The following PDZD2 variants were observed in gnomAD, a reference collection of about 807,000 sequenced individuals.
PDZD2 encodes PDZ domain-containing protein 2.
Under a neutral mutation model 220.7 loss-of-function variants are expected in PDZD2, and 90 were observed. The ratio of observed to expected loss-of-function variants is 0.41; its 90% confidence interval spans 0.34 to 0.49. The LOEUF is 0.49. Among genes scored for constraint, PDZD2 ranks in the 20% least tolerant of loss-of-function variants. PDZD2 has a pLI of 0.28. For missense variants in PDZD2, 3,174 were observed against 3,608.5 expected, an observed-to-expected ratio of 0.88 and a Z score of 3.08; for synonymous variants, 1,375 against 1,450.5, an observed-to-expected ratio of 0.95 and a Z score of 1.18.
chr5:31,811,890 T>C (rs1755134327), intron 2 of PDZD2, among the ~76,000 whole-genome samples: 1 of 152,008 alleles, frequency 6.6e-6, no homozygotes, highest in South Asian at 2.1e-4. Context: ...CTTGGGAGGC[T>C]GAGGCAGGAA....
Position 32,080,376 on chromosome 5 carries a change from G to T in PDZD2, c.3682+2770G>T, listed in dbSNP as rs999641069. On this transcript the variant is annotated intron_variant, in intron 19 of 24. Coordinates refer to ENST00000438447, the MANE Select transcript of PDZD2 (RefSeq NM_178140.4). ...AAAAAAAAAAAAAAAAAAAAGTGGG[G>T]GGTGAGGGGTTTCTATTTGAGGGAG... 7.8e-4 allele frequency among the ~76,000 whole-genome samples: 117 copies of T among 150,754 alleles called. 2 individuals carry two copies. Among genetic ancestry groups the T allele is most frequent in the African/African-American group, 2.8e-3 (115 of 40,516 alleles).
chr5:32,078,805 TG>T (rs1741604966), intron 19 of PDZD2, among the ~76,000 whole-genome samples: 1 of 123,714 alleles, frequency 8.1e-6, no homozygotes. Flanking sequence ...ACCCAATCTC[TG>T]GGAAAAAAAA....
intron 19 of PDZD2, among the ~76,000 whole-genome samples, chr5:32,086,301 T>C (rs1198767227): frequency 2.0e-5 from 3 of 152,158 alleles, no homozygotes; most frequent in Non-Finnish European, 4.4e-5. Context: ...GAGAGGTCCA[T>C]GAGGGCCCTG....
chr5:31,974,604 C>T (rs1211141991), intron 2 of PDZD2, among the ~76,000 whole-genome samples: 1 of 152,168 alleles, frequency 6.6e-6, no homozygotes, highest in Non-Finnish European at 1.5e-5. Flanking sequence ...AAGACAGACT[C>T]CTGGCTCAAA....
chr5:31,758,740 T>C (rs1040757385), intron 1 of PDZD2, among the ~76,000 whole-genome samples: 1 of 152,164 alleles, frequency 6.6e-6, no homozygotes, highest in Non-Finnish European at 1.5e-5. Flanking sequence ...GCCCCTTCCA[T>C]CTTCATTCTC....
intron 6 of PDZD2, among the ~76,000 whole-genome samples, chr5:32,011,434 G>A (rs2112087406): frequency 6.6e-6 from 1 of 152,238 alleles, no homozygotes; most frequent in South Asian, 2.1e-4. Flanking sequence ...GAGAGGTCAA[G>A]CCTTCAGTGA....
intron 23 of PDZD2, 43 bp from the exon 24 acceptor site, chr5:32,101,062 A>C (rs2279232): frequency 6.2e-7 from 1 of 1,612,638 alleles, no homozygotes; most frequent in Non-Finnish European, 8.5e-7. Flanking sequence ...TGGCATGATG[A>C]ACAACCCTGT....
intron 1 of PDZD2, among the ~76,000 whole-genome samples, chr5:31,790,909 A>C (rs1753677806): frequency 6.6e-6 from 1 of 151,204 alleles, no homozygotes; most frequent in Non-Finnish European, 1.5e-5. Context: ...CGTGTTAGCC[A>C]AGATGGTCTT....
At chr5:32,058,518 A>T (rs1006808176) in intron 12 of PDZD2, among the ~76,000 whole-genome samples, 25 of 151,760 alleles carry the variant, frequency 1.6e-4, no homozygotes, top group African/African-American at 4.6e-4. Context: ...AAAATAAAAA[A>T]AAAAAATTAG....
intron 3 of PDZD2, among the ~76,000 whole-genome samples, chr5:31,991,963 G>A (rs1751252078): frequency 6.6e-6 from 1 of 152,202 alleles, no homozygotes; most frequent in African/African-American, 2.4e-5. Flanking sequence ...AACCCAGGAG[G>A]CAGAGGTTGC....
chr5:32,028,658 T>C (rs2112178729), intron 6 of PDZD2, among the ~76,000 whole-genome samples: 1 of 124,714 alleles, frequency 8.0e-6, no homozygotes, highest in South Asian at 3.1e-4. Flanking sequence ...ATTTTGCTCC[T>C]TCTATTTTTT....
At chr5:31,919,858 A>T (rs1022408120) in intron 2 of PDZD2, among the ~76,000 whole-genome samples, 2 of 148,474 alleles carry the variant, frequency 1.3e-5, no homozygotes, top group Non-Finnish European at 3.0e-5. Context: ...CTAAAAAACA[A>T]TTTTTTTTTT....
intron 2 of PDZD2, among the ~76,000 whole-genome samples, chr5:31,832,989 G>A (rs1391876523): frequency 6.6e-6 from 1 of 152,120 alleles, no homozygotes; most frequent in Non-Finnish European, 1.5e-5. Context: ...CAAGTCCCAT[G>A]AGCAGGCCTG....
At chr5:31,978,528 G>C (rs973167359) in intron 2 of PDZD2, among the ~76,000 whole-genome samples, 1 of 151,950 alleles carries the variant, frequency 6.6e-6, no homozygotes, top group East Asian at 1.9e-4. Context: ...GACCATCCTG[G>C]CTAACATGGT....
rs1475651780 is a variant in PDZD2 at position 32,059,319 on chromosome 5, G to A, written c.2281G>A (p.Ala761Thr). The A allele has an allele frequency of 6.2e-7, 1 of 1,612,988 alleles. No individual in the cohort carries two copies. The highest frequency in any genetic ancestry group is 8.5e-7 in the Non-Finnish European group (1 of 1,178,940). Residue 761 changes from alanine (A) to threonine (T), a missense_variant, in exon 13 of 25, where the codon GCT becomes ACT. Ala to Thr is a moderately conservative substitution (Grantham distance 58). This residue lies in a region of PDZD2 where 1,861 missense variants were observed against 2,001.0 expected (regional missense o/e 0.93). Transcript: ENST00000438447. ...SPPGIYIHSL[A>T]PGSVAKMESN... ...TCCTGGCATCTACATTCACAGCCTT[G>A]CTCCAGGATCAGTGGCCAAGATGGA...
At chr5:31,775,752 G>A (rs1334665212) in intron 1 of PDZD2, among the ~76,000 whole-genome samples, 5 of 150,600 alleles carry the variant, frequency 3.3e-5, no homozygotes, top group East Asian at 4.0e-4. Flanking sequence ...GCCTTCCAAC[G>A]CTGGTGGACT....
intron 2 of PDZD2, among the ~76,000 whole-genome samples, chr5:31,926,855 G>GAT (rs10590672): frequency 2.0e-5 from 3 of 151,948 alleles, no homozygotes; most frequent in Admixed American, 1.3e-4. Context: ...AACAAAGTGT[G>GAT]ATATATATAT....
Position 31,745,567 on chromosome 5 carries a change from C to T in PDZD2, c.-360-53322C>T, listed in dbSNP as rs527484928. The stretch of plus-strand genomic sequence containing the variant: ...CAAATCACCTTCGCTCATGCTTTCA[C>T]GCTCCCTCTCACCTTTCAATACCAA... On this transcript the variant is annotated intron_variant, in intron 1 of 24. Transcript: ENST00000438447. Among the ~76,000 whole-genome samples the T allele has an allele frequency of 5.3e-5, 8 of 152,304 alleles. No homozygotes were observed. In the East Asian group the frequency reaches 9.6e-4, roughly 18 times the overall value.
At chr5:31,856,303 T>C (rs1758438313) in intron 2 of PDZD2, among the ~76,000 whole-genome samples, 1 of 152,018 alleles carries the variant, frequency 6.6e-6, no homozygotes, top group Non-Finnish European at 1.5e-5. Context: ...GGATCTTCAG[T>C]CAAACCCAAG....
Sources: allele counts gnomAD v4.1 joint callset (sites outside exome capture counted in the v4.1 genomes callset), GRCh38; gene constraint gnomAD v4.1.1; regional missense constraint gnomAD v4.1.1; transcripts MANE v1.5; gene names NCBI Gene and HGNC (gene_info 2026-07-23, HGNC 2026-07-21).